Variants in PTPRN2 observed in about 807,000 individuals in gnomAD.
The protein encoded by PTPRN2 is protein tyrosine phosphatase receptor type N2.
In PTPRN2, 74 loss-of-function variants were observed where a neutral mutation model predicts 118.8. That is an observed-to-expected ratio of 0.62 (90% CI 0.52 to 0.76). PTPRN2 has a LOEUF of 0.76. PTPRN2 is among the 30% of genes least tolerant of loss of function. The pLI, the probability that PTPRN2 is intolerant of heterozygous loss-of-function variation, is 0.00. For missense variants in PTPRN2, 1,481 were observed against 1,394.4 expected, an observed-to-expected ratio of 1.06 and a Z score of -0.99; for synonymous variants, 641 against 608.0, an observed-to-expected ratio of 1.05 and a Z score of -0.80.
At chr7:157,804,506 A>T (rs542740590) in intron 12 of PTPRN2, among the ~76,000 whole-genome samples, 1 of 148,750 alleles carries the variant, frequency 6.7e-6, no homozygotes, top group South Asian at 2.1e-4. Context: ...CCAGCCAAAA[A>T]GCTCTAGATG....
chr7:158,554,197 C>T (rs893274077), intron 1 of PTPRN2, among the ~76,000 whole-genome samples: 1 of 152,176 alleles, frequency 6.6e-6, no homozygotes, highest in African/African-American at 2.4e-5. Context: ...ACCTGGGAGG[C>T]GGAGTTGTAG....
intron 6 of PTPRN2, among the ~76,000 whole-genome samples, chr7:158,142,674 G>A (rs1819501062): frequency 6.6e-6 from 1 of 152,170 alleles, no homozygotes; most frequent in Non-Finnish European, 1.5e-5. Flanking sequence ...TGCATTCACT[G>A]ATGGAATGCT....
intron 3 of PTPRN2, among the ~76,000 whole-genome samples, chr7:158,269,863 G>C (rs1798180513): frequency 6.6e-6 from 1 of 151,874 alleles, no homozygotes; most frequent in Non-Finnish European, 1.5e-5. Context: ...CAGAGACAGA[G>C]AGAGACAGAA....
intron 2 of PTPRN2, among the ~76,000 whole-genome samples, chr7:158,476,005 G>A (rs1173578526): frequency 6.6e-6 from 1 of 152,074 alleles, no homozygotes; most frequent in Non-Finnish European, 1.5e-5. Context: ...TGTTCCTCCC[G>A]CCATTTGTTT....
intron 12 of PTPRN2, among the ~76,000 whole-genome samples, chr7:157,842,698 T>G (rs1432975843): frequency 6.6e-6 from 1 of 152,122 alleles, no homozygotes; most frequent in Non-Finnish European, 1.5e-5. Flanking sequence ...CTTTCTCATC[T>G]GGCCTCACAA....
chr7:158,297,501 T>A lies in PTPRN2; in HGVS notation c.277+19318A>T, dbSNP rs548556777. On this transcript the variant is annotated intron_variant, in intron 3 of 22. Transcript: ENST00000389418. The stretch of plus-strand genomic sequence containing the variant: ...GCTTGACTTGAGGCTTCATTCTTCA[T>A]CAGACACAGAAGCATCTTGTCTTGG... 2.0e-5 allele frequency among the ~76,000 whole-genome samples: 3 copies of A among 152,334 alleles called. No individual in the cohort carries two copies. In the South Asian group the frequency reaches 6.2e-4, roughly 32 times the overall value.
At chr7:158,170,154 G>A (rs188608989) in intron 5 of PTPRN2, among the ~76,000 whole-genome samples, 8 of 152,310 alleles carry the variant, frequency 5.3e-5, no homozygotes, top group South Asian at 2.1e-4. Context: ...GAGAGCGAGC[G>A]AGCGAGAGAC....
At chr7:158,393,393 G>A (rs1586558399) in intron 2 of PTPRN2, among the ~76,000 whole-genome samples, 1 of 152,322 alleles carries the variant, frequency 6.6e-6, no homozygotes, top group East Asian at 1.9e-4. Flanking sequence ...ACGTCGGAGG[G>A]ACTTCGCTCT....
intron 3 of PTPRN2, among the ~76,000 whole-genome samples, chr7:158,305,807 A>C (rs1419545640): frequency 2.6e-5 from 4 of 151,054 alleles, no homozygotes; most frequent in Non-Finnish European, 5.9e-5. Flanking sequence ...AAAAAAAAAA[A>C]GAAAGAAAGA....
chr7:157,775,020 C>T (rs1803109108), intron 12 of PTPRN2, among the ~76,000 whole-genome samples: 1 of 152,192 alleles, frequency 6.6e-6, no homozygotes, highest in South Asian at 2.1e-4. Flanking sequence ...GAGAAGGTGG[C>T]CTTGCATCCT....
intron 10 of PTPRN2, among the ~76,000 whole-genome samples, chr7:158,108,255 GC>G (rs554993956): frequency 3.4e-5 from 5 of 148,724 alleles, no homozygotes; most frequent in South Asian, 2.2e-4. Context: ...CCCACAAATA[GC>G]CCCCCCTCAC....
At position 158,039,286 on chromosome 7, in the gene PTPRN2, A is replaced by G. The variant is rs150080738; in HGVS notation, c.1723+42012T>C. Among the ~76,000 whole-genome samples, 619 of 152,330 alleles carry G rather than the reference A, an allele frequency of 4.1e-3. 5 individuals carry two copies. The highest frequency in any genetic ancestry group is 0.014 in the African/African-American group (596 of 41,564). On this transcript the variant is annotated intron_variant, in intron 11 of 22. Transcript: ENST00000389418. ...AAGTCCAGAATGTTGTGGGATGGAA[A>G]ATACCCAATTCCAACCCATCTGGCC...
intron 3 of PTPRN2, among the ~76,000 whole-genome samples, chr7:158,270,983 C>T (rs1300707317): frequency 9.1e-6 from 1 of 110,100 alleles, no homozygotes; most frequent in Non-Finnish European, 2.0e-5. Flanking sequence ...CCACCCCCTC[C>T]ACCTGGGCCT....
intron 14 of PTPRN2, 119 bp downstream of exon 14, chr7:157,656,238 G>A (rs1320968715): frequency 5.8e-6 from 6 of 1,033,124 alleles, no homozygotes; most frequent in Non-Finnish European, 8.3e-6. Flanking sequence ...CAGCGGGCAG[G>A]GTGCAGCCAT....
At chr7:157,556,735 C>T (rs553598493) in intron 21 of PTPRN2, among the ~76,000 whole-genome samples, 1 of 151,238 alleles carries the variant, frequency 6.6e-6, no homozygotes, top group East Asian at 2.0e-4. Context: ...CCACACTACA[C>T]TCACACCCCA....
intron 1 of PTPRN2, among the ~76,000 whole-genome samples, chr7:158,571,497 A>C (rs1336486302): frequency 6.8e-6 from 1 of 147,840 alleles, no homozygotes; most frequent in Non-Finnish European, 1.5e-5. Flanking sequence ...AAAAACAAAA[A>C]AAAACAAAAA....
intron 11 of PTPRN2, among the ~76,000 whole-genome samples, chr7:158,045,312 T>C (rs915203960): frequency 6.6e-6 from 1 of 152,202 alleles, no homozygotes; most frequent in Non-Finnish European, 1.5e-5. Flanking sequence ...GAGAAATAAA[T>C]TTTTTATTAA....
At chr7:158,162,287 T>C (rs1822429946) in intron 6 of PTPRN2, among the ~76,000 whole-genome samples, 1 of 152,206 alleles carries the variant, frequency 6.6e-6, no homozygotes, top group Non-Finnish European at 1.5e-5. Flanking sequence ...AAAACCTGCA[T>C]GAGGGTGCTT....
At chr7:158,024,138 C>T (rs142036244) in intron 11 of PTPRN2, among the ~76,000 whole-genome samples, 22 of 152,252 alleles carry the variant, frequency 1.4e-4, no homozygotes, top group African/African-American at 4.6e-4. Context: ...TGTGAACATG[C>T]CCAGTGCACC....
Sources: allele counts gnomAD v4.1 joint callset (sites outside exome capture counted in the v4.1 genomes callset), GRCh38; gene constraint gnomAD v4.1.1; transcripts MANE v1.5; gene names NCBI Gene and HGNC (gene_info 2026-07-23, HGNC 2026-07-21).